Variants in C14orf39 observed in about 807,000 individuals in gnomAD.
The protein encoded by C14orf39 is protein SIX6OS1.
A neutral mutation model predicts 85.6 loss-of-function variants in C14orf39; 66 were observed. The ratio of observed to expected loss-of-function variants is 0.77; its 90% CI spans 0.63 to 0.95. C14orf39 has a LOEUF of 0.95. Ranked by LOEUF, C14orf39 falls within the 40% of genes least tolerant of loss-of-function variation. The pLI is 0.00. For missense variants in C14orf39, 735 were observed against 663.9 expected, an observed-to-expected ratio of 1.11 and a Z score of -1.18; for synonymous variants, 242 against 214.0, an observed-to-expected ratio of 1.13 and a Z score of -1.14.
intron 1 of C14orf39, chr14:60,511,622 C>G (rs1177130734): frequency 2.5e-6 from 1 of 393,372 alleles, no homozygotes. Context: ...GTATAACTTT[C>G]GCTTTAAAGT....
chr14:60,504,535 A>G (rs1893181689), intron 1 of C14orf39, among the ~76,000 whole-genome samples: 1 of 152,238 alleles, frequency 6.6e-6, no homozygotes, highest in Admixed American at 6.5e-5. Flanking sequence ...GTATGTCCCA[A>G]TAGAGAACCA....
chr14:60,492,715 G>A (rs143828403), intron 2 of C14orf39, among the ~76,000 whole-genome samples: 30 of 152,144 alleles, frequency 2.0e-4, no homozygotes, highest in Admixed American at 1.0e-3. Flanking sequence ...CCTGGGAGGC[G>A]GAAGTTGCAG....
intron 4 of C14orf39, among the ~76,000 whole-genome samples, chr14:60,482,769 A>G (rs1296098580): frequency 6.6e-6 from 1 of 152,202 alleles, no homozygotes; most frequent in African/African-American, 2.4e-5. Context: ...AAATATATAT[A>G]AAATTACATG....
chr14:60,474,645 C>T (rs75823191), intron 5 of C14orf39, among the ~76,000 whole-genome samples: 124,928 of 151,918 alleles, frequency 0.82, 52,981 homozygotes, highest in Non-Finnish European at 0.92. Context: ...CTTTTCTGCA[C>T]CTATTGAGAT....
intron 16 of C14orf39, among the ~76,000 whole-genome samples, chr14:60,444,686 G>A (rs1000666620): frequency 3.9e-5 from 6 of 152,112 alleles, no homozygotes; most frequent in African/African-American, 1.2e-4. Context: ...TTCAAATTCA[G>A]GAAATGCAGA....
At chr14:60,447,133 C>T (rs954194210) in intron 16 of C14orf39, among the ~76,000 whole-genome samples, 9 of 152,292 alleles carry the variant, frequency 5.9e-5, no homozygotes, top group East Asian at 3.8e-4. Flanking sequence ...CCTTTGAAAA[C>T]GGGCACAAGA....
At chr14:60,441,738 CAAAG>C (rs1013113219) in intron 17 of C14orf39, among the ~76,000 whole-genome samples, 1 of 151,460 alleles carries the variant, frequency 6.6e-6, no homozygotes, top group African/African-American at 2.4e-5. Flanking sequence ...TAAAAAGTAT[CAAAG>C]AGAGAAAAGG....
At chr14:60,503,267 G>C (rs1893167526) in intron 1 of C14orf39, among the ~76,000 whole-genome samples, 1 of 152,066 alleles carries the variant, frequency 6.6e-6, no homozygotes, top group African/African-American at 2.4e-5. Flanking sequence ...TTGATTCAAG[G>C]GTTTTTAGGG....
rs1030126825 is a variant in C14orf39, at chr14:60,437,110, T to G, written c.1562-63A>C. 1.1e-5 allele frequency: 12 copies of G among 1,067,952 alleles called. No homozygotes were observed. In the African/African-American group the frequency reaches 1.8e-4, roughly 16 times the overall value. 66.2% of individuals were successfully genotyped at this position (1,067,952 alleles called of 1,614,324 possible). ...ATTATATAAAATTTTTATAACCTACTGAATTATAGCATACTGCATACAATA... is the reference window on the plus strand; with the variant it reads ...ATTATATAAAATTTTTATAACCTACGGAATTATAGCATACTGCATACAATA... On this transcript the variant is annotated intron_variant, in intron 17 of 17. Coordinates refer to ENST00000321731, the MANE Select transcript of C14orf39 (RefSeq NM_174978.3).
Position 60,492,659 on chromosome 14 carries a change from T to C in C14orf39, c.-9+6637A>G, listed in dbSNP as rs1021201679. On this transcript the variant is annotated intron_variant, in intron 2 of 5. Transcript: ENST00000556799. ...TTAGCTGTGTGTGCTGGTATGTGCC[T>C]GTAGTCCCAGCTACTCAAGAGGCTG... Among the ~76,000 whole-genome samples the C allele has an allele frequency of 3.9e-5, 6 of 152,022 alleles. 1 individual carries two copies. Among genetic ancestry groups the C allele is most frequent in the Admixed American group, 3.9e-4 (6 of 15,278 alleles).
At chr14:60,450,823 G>C (rs1384509548) in intron 16 of C14orf39, among the ~76,000 whole-genome samples, 1 of 152,172 alleles carries the variant, frequency 6.6e-6, no homozygotes, top group Non-Finnish European at 1.5e-5. Context: ...ATTTGTTTGG[G>C]AGAAATCAAG....
intron 16 of C14orf39, among the ~76,000 whole-genome samples, chr14:60,445,880 A>C (rs1004630936): frequency 5.9e-5 from 9 of 152,224 alleles, no homozygotes; most frequent in Admixed American, 5.2e-4. Context: ...CCACAGTGCA[A>C]TCAAATTAGA....
At position 60,484,737 on chromosome 14, in the gene C14orf39, G is replaced by C. The variant is rs1201420887; in HGVS notation, c.106+144C>G. On this transcript the variant is annotated intron_variant, in intron 3 of 17. Transcript: ENST00000321731. The surrounding 1 kb of genome is among the most constrained non-coding windows in gnomAD (Gnocchi z 4.2). ...AGTTAAGTCACATCTATTTCGTCTA[G>C]GGTAAATAGTTTATTTGTCGCTAGA... is the stretch of plus-strand genomic sequence containing the variant. 1.7e-6 allele frequency: 1 copy of C among 590,068 alleles called. No homozygotes were observed. The highest frequency in any genetic ancestry group is 1.9e-5 in the African/African-American group (1 of 51,540). 36.6% of individuals were successfully genotyped at this position (590,068 alleles called of 1,614,324 possible).
chr14:60,466,121 T>C (rs1891780457), intron 10 of C14orf39, 66 bp from the exon 11 acceptor site: 2 of 660,882 alleles, frequency 3.0e-6, no homozygotes, highest in Non-Finnish European at 4.7e-6. Context: ...TTCCCCAATG[T>C]TTAACCTAAA....
chr14:60,471,539 A>C lies in C14orf39; in HGVS notation c.511+13T>G, dbSNP rs1271676835. ...ATATCATAATTAAAACAATATAACAAAAATATTAATACCTCGAAATTTCAT... is the reference window on the plus strand; with the variant it reads ...ATATCATAATTAAAACAATATAACACAAATATTAATACCTCGAAATTTCAT... On this transcript the variant is annotated intron_variant, in intron 6 of 17. Coordinates refer to ENST00000321731, the MANE Select transcript of C14orf39 (RefSeq NM_174978.3). The C allele has an allele frequency of 6.3e-7, 1 of 1,586,234 alleles. No individual in the cohort carries two copies. Among genetic ancestry groups the C allele is most frequent in the Admixed American group, 1.8e-5 (1 of 54,714 alleles).
rs1388713981 is a variant in C14orf39 at position 60,515,068 on chromosome 14, A to C, written c.-144+327T>G. 6.6e-6 allele frequency: 1 copy of C among 152,304 alleles called. No homozygotes were observed. Among genetic ancestry groups the C allele is most frequent in the Non-Finnish European group, 1.5e-5 (1 of 68,308 alleles). 9.4% of individuals were successfully genotyped at this position (152,304 alleles called of 1,614,324 possible). ...TCGGGGAGGAGGCGGCGGCGAGGGG[A>C]GAAGGGGTCATTGTCCGCGCGCTGG... On this transcript the variant is annotated intron_variant, in intron 1 of 5. Transcript: ENST00000556799. This position sits in a 1 kb window ranked among gnomAD's most constrained non-coding sequence, Gnocchi z 6.2.
intron 16 of C14orf39, among the ~76,000 whole-genome samples, chr14:60,442,395 AT>A (rs1890562167): frequency 6.6e-6 from 1 of 152,168 alleles, no homozygotes; most frequent in Admixed American, 6.5e-5. Flanking sequence ...TTAATATGAT[AT>A]TTTGCTTTAT....
chr14:60,457,370 T>C (rs943830097), intron 14 of C14orf39, among the ~76,000 whole-genome samples: 2 of 151,880 alleles, frequency 1.3e-5, no homozygotes, highest in Non-Finnish European at 2.9e-5. Flanking sequence ...TTGGAATTGA[T>C]GAAAAAAAAG....
At chr14:60,492,132 T>TA (rs11423215) in intron 2 of C14orf39, among the ~76,000 whole-genome samples, 130,795 of 151,896 alleles carry the variant, frequency 0.86, 57,003 homozygotes, top group Non-Finnish European at 0.92. Context: ...GGCAAAACTT[T>TA]AAAAAAAATT....
Sources: gnomAD v4.1 joint callset for allele counts (sites outside exome capture counted in the v4.1 genomes callset) on GRCh38, gnomAD v4.1.1 for gene constraint, Gnocchi (gnomAD v3.1) non-coding constraint, MANE v1.5 for transcripts, NCBI Gene and HGNC (gene_info 2026-07-23, HGNC 2026-07-21) for gene names.